Variants in CALN1 observed in about 807,000 individuals in gnomAD.
The protein encoded by CALN1 is calneuron 1.
A neutral mutation model predicts 30.6 loss-of-function variants in CALN1; 17 were observed. That is an observed-to-expected ratio of 0.56 (90% CI 0.38 to 0.83). The LOEUF (loss-of-function observed/expected upper bound fraction) is 0.83. Among genes scored for constraint, CALN1 ranks in the 40% least tolerant of loss-of-function variants. CALN1 has a pLI of 0.00. For missense variants in CALN1, 291 were observed against 354.9 expected (o/e 0.82, Z 1.45); for synonymous variants, 156 against 131.4 (o/e 1.19, Z -1.28).
At chr7:72,114,817 A>C (rs1807851293) in intron 3 of CALN1, among the ~76,000 whole-genome samples, 1 of 152,156 alleles carries the variant, frequency 6.6e-6, no homozygotes, top group Non-Finnish European at 1.5e-5. Context: ...AACATGGCGA[A>C]ACCCCGTCTC....
At chr7:72,054,308 G>A (rs537080103) in intron 4 of CALN1, among the ~76,000 whole-genome samples, 5 of 151,556 alleles carry the variant, frequency 3.3e-5, no homozygotes, top group Non-Finnish European at 5.9e-5. Flanking sequence ...TCTTACTGGT[G>A]TAAGATGATA....
At chr7:71,858,585 G>C (rs1046178665) in intron 5 of CALN1, among the ~76,000 whole-genome samples, 2 of 151,662 alleles carry the variant, frequency 1.3e-5, no homozygotes, top group Non-Finnish European at 2.9e-5. Context: ...AGGACAGACA[G>C]AACTCAAAGT....
chr7:72,163,038 G>T (rs1248112973), intron 3 of CALN1, among the ~76,000 whole-genome samples: 1 of 152,334 alleles, frequency 6.6e-6, no homozygotes, highest in South Asian at 2.1e-4. Context: ...TGAAAGTGCT[G>T]AGCAGAGATT....
At chr7:72,149,419 A>G (rs1415682432) in intron 3 of CALN1, among the ~76,000 whole-genome samples, 1 of 152,138 alleles carries the variant, frequency 6.6e-6, no homozygotes, top group African/African-American at 2.4e-5. Flanking sequence ...GTGAGCTGAG[A>G]TCACGCCACT....
At chr7:71,820,712 G>A (rs1788537916) in intron 5 of CALN1, among the ~76,000 whole-genome samples, 1 of 152,184 alleles carries the variant, frequency 6.6e-6, no homozygotes, top group East Asian at 1.9e-4. Flanking sequence ...GGTTTTATCT[G>A]TTGAGTATCT....
At chr7:72,490,601 G>A in the CALN1 span, among the ~76,000 whole-genome samples, 8 of 152,276 alleles carry the variant, frequency 5.3e-5, no homozygotes, top group South Asian at 1.7e-3. Context: ...CTGGTGGGAG[G>A]TGACTGGATC....
intron 3 of CALN1, among the ~76,000 whole-genome samples, chr7:72,205,634 TTGTC>T (rs1486284548): frequency 5.6e-5 from 8 of 141,994 alleles, no homozygotes; most frequent in Admixed American, 2.2e-4. Flanking sequence ...TTATCTCAAT[TTGTC>T]AGGCTGGTTT....
chr7:71,934,816 A>G (rs1795744083), intron 5 of CALN1, among the ~76,000 whole-genome samples: 1 of 152,224 alleles, frequency 6.6e-6, no homozygotes, highest in African/African-American at 2.4e-5. Flanking sequence ...GAGACCTCGC[A>G]ATCATGGTGG....
chr7:71,783,520 A>G lies in CALN1; in HGVS notation c.*4255T>C, dbSNP rs1035287339. On this transcript the variant is annotated 3_prime_UTR_variant, in exon 7 of 7. Coordinates refer to ENST00000395275, the MANE Select transcript of CALN1 (RefSeq NM_031468.4). ...CTGCAAGGAAGGAGAGCAAGGACAC[A>G]GTAAACACAGATCCCAGGACATGTG... is the stretch of plus-strand genomic sequence containing the variant. 2 of 152,472 alleles carry G rather than the reference A, an allele frequency of 1.3e-5. No individual in the cohort carries two copies. The highest frequency in any genetic ancestry group is 4.8e-5 in the African/African-American group (2 of 41,458). 9.4% of individuals were successfully genotyped at this position (152,472 alleles called of 1,614,324 possible).
At chr7:72,165,584 T>A (rs1159087711) in intron 3 of CALN1, among the ~76,000 whole-genome samples, 1 of 151,964 alleles carries the variant, frequency 6.6e-6, no homozygotes, top group Non-Finnish European at 1.5e-5. Flanking sequence ...CCAAAAACTC[T>A]GTCTCCAACA....
At chr7:72,037,995 A>T (rs1801904946) in intron 4 of CALN1, among the ~76,000 whole-genome samples, 1 of 152,196 alleles carries the variant, frequency 6.6e-6, no homozygotes, top group African/African-American at 2.4e-5. Flanking sequence ...TGGACCTTAA[A>T]ATCCCCTGAA....
At chr7:72,273,788 T>C (rs924233155) in intron 3 of CALN1, among the ~76,000 whole-genome samples, 5 of 152,060 alleles carry the variant, frequency 3.3e-5, no homozygotes, top group South Asian at 4.2e-4. Flanking sequence ...TGGGATTACA[T>C]AGGCATGAGC....
At chr7:72,037,173 C>T (rs990185462) in intron 4 of CALN1, among the ~76,000 whole-genome samples, 14 of 151,142 alleles carry the variant, frequency 9.3e-5, no homozygotes, top group Admixed American at 6.6e-4. Context: ...TTTTTTGAGA[C>T]GCAGTCTCGC....
chr7:71,975,316 A>G (rs1291004066), intron 5 of CALN1, among the ~76,000 whole-genome samples: 2 of 152,126 alleles, frequency 1.3e-5, no homozygotes, highest in Non-Finnish European at 2.9e-5. Context: ...GGCAGAATCA[A>G]TATTTGTAGT....
intron 5 of CALN1, among the ~76,000 whole-genome samples, chr7:71,886,735 T>C (rs892915037): frequency 4.1e-5 from 6 of 144,810 alleles, no homozygotes; most frequent in African/African-American, 1.3e-4. Context: ...ATCGCACCAC[T>C]GCACTCCAGC....
At chr7:72,377,971 C>T (rs1804667146) in intron 2 of CALN1, among the ~76,000 whole-genome samples, 1 of 152,144 alleles carries the variant, frequency 6.6e-6, no homozygotes, top group Non-Finnish European at 1.5e-5. Context: ...GCCCCTCCCC[C>T]TGCCCCCATT....
rs1489760031 is a variant in CALN1, at chr7:72,205,555, T to TATACATAC, written c.244+73130_244+73131insGTATGTAT. Among the ~76,000 whole-genome samples the TATACATAC allele has an allele frequency of 1.3e-4, 14 of 107,912 alleles. 2 individuals carry two copies. Among genetic ancestry groups the TATACATAC allele is most frequent in the African/African-American group, 5.6e-4 (12 of 21,520 alleles). 70.8% of individuals were successfully genotyped at this position (107,912 alleles called of 152,430 possible). ...TTCTCCTGATTGCAAAAAAAAAATA[T>TATACATAC]ATATATATATATGTATATATATATA... On this transcript the variant is annotated intron_variant, in intron 3 of 6. Transcript: ENST00000395275.
chr7:71,982,584 A>G (rs549381648), intron 5 of CALN1, among the ~76,000 whole-genome samples: 36 of 152,212 alleles, frequency 2.4e-4, no homozygotes, highest in Non-Finnish European at 4.7e-4. Context: ...ATAGGAGTGA[A>G]ACTCTGTCGC....
chr7:71,953,158 A>T (rs1434703780), intron 5 of CALN1, among the ~76,000 whole-genome samples: 1 of 151,870 alleles, frequency 6.6e-6, no homozygotes, highest in Non-Finnish European at 1.5e-5. Flanking sequence ...GGATCTCGTT[A>T]TGTTGCCCAG....
Sources: gnomAD v4.1 joint callset for allele counts (sites outside exome capture counted in the v4.1 genomes callset) on GRCh38, gnomAD v4.1.1 for gene constraint, MANE v1.5 for transcripts, NCBI Gene and HGNC (gene_info 2026-07-23, HGNC 2026-07-21) for gene names.